The following RAD54L2 variants were observed in gnomAD, a reference collection of about 807,000 sequenced individuals.
The protein encoded by RAD54L2 is helicase ARIP4.
A neutral mutation model predicts 138.4 loss-of-function variants in RAD54L2; 27 were observed. That is an observed-to-expected ratio of 0.20 (90% CI 0.14 to 0.27). The LOEUF is 0.27. RAD54L2 is among the 10% of genes least tolerant of loss of function. RAD54L2 has a pLI of 1.00. For missense variants in RAD54L2, 1,396 were observed against 1,890.2 expected (o/e 0.74, Z 4.85); for synonymous variants, 644 against 723.2 (o/e 0.89, Z 1.76).
chr3:51,638,191 A>G lies in RAD54L2; in HGVS notation c.1730A>G (p.Asn577Ser). Residue 577 changes from asparagine (N) to serine (S), a missense_variant, in exon 12 of 23, where the codon AAT (asparagine) becomes AGT (serine). Physicochemically the swap from Asn to Ser is conservative, Grantham distance 46. Around this residue, in one of 7 missense-constraint regions of RAD54L2, gnomAD observed 211 missense variants for 273.8 expected, o/e 0.77. Transcript: ENST00000684192. The surrounding 1 kb of genome is among the most constrained non-coding windows in gnomAD (Gnocchi z 4.3). ...LKIHLPAKEE[N>S]VILVRLSKIQ... is the part of the protein sequence containing the mutation. ...ATTCATCTCCCTGCCAAGGAAGAAA[A>G]TGTGATCCTTGTGCGGCTCTCCAAG... is the stretch of plus-strand genomic sequence containing the variant. 6.2e-7 allele frequency: 1 copy of G among 1,613,996 alleles called. No homozygotes were observed. Among genetic ancestry groups the G allele is most frequent in the Non-Finnish European group, 8.5e-7 (1 of 1,179,886 alleles).
chr3:51,642,127 C>T (rs533897747), intron 15 of RAD54L2, among the ~76,000 whole-genome samples: 17 of 152,068 alleles, frequency 1.1e-4, no homozygotes, highest in Non-Finnish European at 2.5e-4. Context: ...AATTCAAGAA[C>T]AATTGAGTGC....
chr3:51,589,169 A>G (rs533392307), intron 2 of RAD54L2, among the ~76,000 whole-genome samples: 19 of 152,314 alleles, frequency 1.2e-4, no homozygotes, highest in African/African-American at 4.3e-4. Flanking sequence ...TTGAAAGTCT[A>G]TTTAATACAC....
intron 2 of RAD54L2, among the ~76,000 whole-genome samples, chr3:51,577,787 CCCAGTGAGATGAA>C (rs1447389820): frequency 1.6e-4 from 24 of 152,098 alleles, no homozygotes; most frequent in Non-Finnish European, 2.9e-4. Context: ...TCCGACAAGC[CCCAGTGAGATGAA>C]CCTGGTACCT....
chr3:51,627,438 C>G, intron 3 of RAD54L2, 115 bp from the exon 4 acceptor site: 1 of 982,540 alleles, frequency 1.0e-6, no homozygotes, highest in South Asian at 1.5e-5. Flanking sequence ...AAGAATTTGC[C>G]TTAGATTACC....
chr3:51,552,747 A>G (rs1698870506), intron 2 of RAD54L2, among the ~76,000 whole-genome samples: 1 of 150,928 alleles, frequency 6.6e-6, no homozygotes, highest in South Asian at 2.1e-4. Context: ...TTTTGTAGAG[A>G]TGAAGTCTCA....
intron 15 of RAD54L2, among the ~76,000 whole-genome samples, chr3:51,642,614 A>G (rs1458946769): frequency 2.6e-5 from 4 of 152,134 alleles, no homozygotes; most frequent in East Asian, 1.9e-4. Context: ...CTTGGTTTCT[A>G]CTCACTAGAT....
At chr3:51,610,186 G>A (rs912389776) in intron 3 of RAD54L2, among the ~76,000 whole-genome samples, 1 of 152,050 alleles carries the variant, frequency 6.6e-6, no homozygotes, top group East Asian at 1.9e-4. Flanking sequence ...GAGAAGCGAT[G>A]TGATTCTGCA....
At chr3:51,608,643 G>A (rs1424506530) in intron 3 of RAD54L2, among the ~76,000 whole-genome samples, 3 of 152,196 alleles carry the variant, frequency 2.0e-5, no homozygotes, top group Non-Finnish European at 2.9e-5. Flanking sequence ...CGGCCAACAC[G>A]GCGAAACCCC....
intron 3 of RAD54L2, among the ~76,000 whole-genome samples, chr3:51,620,344 C>T (rs947770390): frequency 2.0e-5 from 3 of 149,856 alleles, no homozygotes; most frequent in Non-Finnish European, 4.4e-5. Flanking sequence ...AGTGATCCTC[C>T]CACCTTAGCC....
intron 3 of RAD54L2, among the ~76,000 whole-genome samples, chr3:51,605,699 G>A (rs1700166671): frequency 6.6e-6 from 1 of 152,024 alleles, no homozygotes; most frequent in Non-Finnish European, 1.5e-5. Context: ...TGATCCACCC[G>A]CCTCGGCCTC....
intron 2 of RAD54L2, among the ~76,000 whole-genome samples, chr3:51,582,324 C>A (rs548701486): frequency 6.6e-6 from 1 of 152,182 alleles, no homozygotes; most frequent in Non-Finnish European, 1.5e-5. Flanking sequence ...CCTTTGTTCA[C>A]AAGCAAAGAA....
chr3:51,618,595 G>A (rs1434426042), intron 3 of RAD54L2, among the ~76,000 whole-genome samples: 1 of 151,978 alleles, frequency 6.6e-6, no homozygotes, highest in Non-Finnish European at 1.5e-5. Context: ...AAGAAAGAAG[G>A]ACAGAGAAAC....
rs562049585 is a variant in RAD54L2, at chr3:51,598,119, GTA to G, written c.139+7574_139+7575del. On this transcript the variant is annotated intron_variant, in intron 3 of 22. Transcript: ENST00000684192. ...GATATATATATATATATGTGTGTGT[GTA>G]TATATATATATATGTGTGTATATAT... Among the ~76,000 whole-genome samples, 894 of 146,042 alleles carry G rather than the reference GTA, an allele frequency of 6.1e-3. 3 individuals carry two copies. The highest frequency in any genetic ancestry group is 8.5e-3 in the Non-Finnish European group (570 of 66,682).
At chr3:51,574,130 A>G (rs1699407503) in intron 2 of RAD54L2, among the ~76,000 whole-genome samples, 1 of 151,918 alleles carries the variant, frequency 6.6e-6, no homozygotes, top group Non-Finnish European at 1.5e-5. Flanking sequence ...TTTGCTCAGA[A>G]TGATGGTTTC....
At chr3:51,561,576 T>TG (rs956884143) in intron 2 of RAD54L2, among the ~76,000 whole-genome samples, 1 of 151,896 alleles carries the variant, frequency 6.6e-6, no homozygotes, top group African/African-American at 2.4e-5. Context: ...CTTTTTTTTT[T>TG]TTTGAAACAG....
chr3:51,662,450 C>T lies in RAD54L2; in HGVS notation c.3434C>T (p.Ser1145Phe). 6.5e-7 allele frequency: 1 copy of T among 1,536,776 alleles called. No individual in the cohort carries two copies. ...GGTTCCCAGGGACCTTCTTGCGAGT[C>T]CACAAGCAACGGCAGACACAGTGCC... Reference protein sequence around the residue: ...ASGSQGPSCESTSNGRHSASS... With the variant: ...ASGSQGPSCEFTSNGRHSASS... The change falls in exon 23 of 23, where the codon TCC becomes TTC. Residue 1145 changes from serine to phenylalanine, a missense_variant. By Grantham distance (155) the Ser-to-Phe change is radical (BLOSUM62 -2). This residue lies in a region of RAD54L2 where 634 missense variants were observed against 711.2 expected (regional missense o/e 0.89). Transcript: ENST00000684192. This position sits in a 1 kb window ranked among gnomAD's most constrained non-coding sequence, Gnocchi z 4.6.
chr3:51,650,030 T>G (rs1475549114), intron 19 of RAD54L2, among the ~76,000 whole-genome samples: 1 of 152,160 alleles, frequency 6.6e-6, no homozygotes, highest in Non-Finnish European at 1.5e-5. Flanking sequence ...TGTGCTGTAT[T>G]CAGGAGACCC....
At chr3:51,641,964 G>A (rs1577452826) in intron 15 of RAD54L2, 97 bp downstream of exon 15, 1 of 854,116 alleles carries the variant, frequency 1.2e-6, no homozygotes, top group African/African-American at 1.7e-5. Context: ...TCCATCAAAT[G>A]CATAGGAATA....
chr3:51,633,896 T>C lies in RAD54L2; in HGVS notation c.1009-6T>C, dbSNP rs776106693. On this transcript the variant is annotated splice_region_variant and splice_polypyrimidine_tract_variant and intron_variant, in intron 8 of 22. Transcript: ENST00000684192. ...AACTCTCTTTTTGGACTTGGCTTTC[T>C]AATAGGTTAATACTCTTCAGAATTG... 4 of 1,610,416 alleles carry C rather than the reference T, an allele frequency of 2.5e-6. No homozygotes were observed. In the South Asian group the frequency reaches 4.4e-5, roughly 18 times the overall value.
Sources: gnomAD v4.1 joint callset for allele counts (sites outside exome capture counted in the v4.1 genomes callset) on GRCh38, gnomAD v4.1.1 for gene constraint, gnomAD v4.1.1 regional missense constraint, Gnocchi (gnomAD v3.1) non-coding constraint, MANE v1.5 for transcripts, NCBI Gene and HGNC (gene_info 2026-07-23, HGNC 2026-07-21) for gene names.